Variants in APP observed in about 807,000 individuals in gnomAD.
APP encodes amyloid beta precursor protein.
In APP, 31 loss-of-function variants were observed where a neutral mutation model predicts 101.4. The ratio of observed to expected loss-of-function variants is 0.31; its 90% CI spans 0.23 to 0.41. The LOEUF is 0.41. APP is among the 10% of genes least tolerant of loss of function. The probability of loss-of-function intolerance (pLI) is 1.00; values close to 1 mark genes in which losing one functional copy is unlikely to be tolerated. For synonymous variants in APP, 366 were observed against 364.4 expected (o/e 1.00, Z -0.05); for missense variants, 839 against 1,003.7 (o/e 0.84, Z 2.22).
intron 1 of APP, among the ~76,000 whole-genome samples, chr21:26,150,602 T>C (rs1569035880): frequency 6.9e-6 from 1 of 144,700 alleles, no homozygotes; most frequent in Non-Finnish European, 1.5e-5. Context: ...GACATCTAGA[T>C]AGACAGATAG....
intron 3 of APP, among the ~76,000 whole-genome samples, chr21:26,077,703 C>G (rs2061523998): frequency 6.7e-6 from 1 of 150,208 alleles, no homozygotes. Context: ...GACGGTTGCA[C>G]AGCTGTTGCC....
chr21:25,933,526 A>G (rs1007665550), intron 13 of APP, among the ~76,000 whole-genome samples: 3 of 152,204 alleles, frequency 2.0e-5, no homozygotes, highest in African/African-American at 7.2e-5. Context: ...CTTCTATCAA[A>G]CTGTGTATTT....
At chr21:26,170,943 T>C (rs1398843740), upstream of APP, 6 of 253,898 alleles carry the variant, frequency 2.4e-5, no homozygotes, top group Non-Finnish European at 4.5e-5. Context: ...TGGCGCCGCC[T>C]GCACCCCACG....
At chr21:26,097,942 T>C (rs1601452624) in intron 2 of APP, among the ~76,000 whole-genome samples, 1 of 151,660 alleles carries the variant, frequency 6.6e-6, no homozygotes, top group Non-Finnish European at 1.5e-5. Context: ...TAGCCGGGCA[T>C]GGTGGCAGGC....
Position 26,161,475 on chromosome 21 carries a change from G to T in APP, c.57+9089C>A, listed in dbSNP as rs759390598. On this transcript the variant is annotated intron_variant, in intron 1 of 17. Coordinates refer to ENST00000346798, the MANE Select transcript of APP (RefSeq NM_000484.4). ...CCTTTTTATTCTGTCTACCCTCTTG[G>T]GGGCAAGGACCTCGAAAATATTTGT... 2.0e-5 allele frequency among the ~76,000 whole-genome samples: 3 copies of T among 151,894 alleles called. No homozygotes were observed. The South Asian group carries it at 6.2e-4, about 32-fold the overall frequency.
chr21:25,981,719 T>G (rs7410142), intron 9 of APP, among the ~76,000 whole-genome samples: 4 of 151,590 alleles, frequency 2.6e-5, no homozygotes, highest in African/African-American at 9.7e-5. Context: ...AGGTTTTTTT[T>G]TTTTTTTTTT....
chr21:25,926,820 G>C (rs1432139834), intron 13 of APP, among the ~76,000 whole-genome samples: 1 of 151,976 alleles, frequency 6.6e-6, no homozygotes, highest in Admixed American at 6.6e-5. Context: ...TGGCTAACAT[G>C]GTGAAACCCC....
At chr21:25,931,445 G>A (rs1004558670) in intron 13 of APP, among the ~76,000 whole-genome samples, 2 of 152,196 alleles carry the variant, frequency 1.3e-5, no homozygotes, top group Non-Finnish European at 2.9e-5. Context: ...CCATGAGTAT[G>A]CAATTAGCAA....
At chr21:25,891,410 G>GA (rs537618361) in intron 17 of APP, among the ~76,000 whole-genome samples, 165 of 146,578 alleles carry the variant, frequency 1.1e-3, no homozygotes, top group African/African-American at 3.2e-3. Flanking sequence ...GCTTGTGTTT[G>GA]AAAAAAAAAA....
chr21:25,984,513 A>G (rs1449282856), intron 8 of APP, among the ~76,000 whole-genome samples: 3 of 152,218 alleles, frequency 2.0e-5, no homozygotes, highest in African/African-American at 7.2e-5. Context: ...AAAAAAGGTA[A>G]ATGTTTTTCT....
At chr21:25,969,104 C>T (rs992835234) in intron 11 of APP, among the ~76,000 whole-genome samples, 1 of 151,342 alleles carries the variant, frequency 6.6e-6, no homozygotes, top group Non-Finnish European at 1.5e-5. Context: ...CTTTGGGAGG[C>T]GGAGGCTGGC....
At chr21:26,083,830 C>A (rs183154012) in intron 3 of APP, among the ~76,000 whole-genome samples, 23 of 152,216 alleles carry the variant, frequency 1.5e-4, no homozygotes, top group Admixed American at 6.5e-4. Context: ...GTTATCGTTT[C>A]TTTTTAATGC....
chr21:25,884,725 G>A (rs145649359), intron 17 of APP, among the ~76,000 whole-genome samples: 1 of 152,186 alleles, frequency 6.6e-6, no homozygotes, highest in Non-Finnish European at 1.5e-5. Context: ...AGGAGATCAA[G>A]CACAAAGCTG....
chr21:26,092,426 A>G (rs2061844198), intron 2 of APP, among the ~76,000 whole-genome samples: 1 of 152,242 alleles, frequency 6.6e-6, no homozygotes, highest in Non-Finnish European at 1.5e-5. Flanking sequence ...AATAGGCTCC[A>G]TACTATATGA....
intron 1 of APP, among the ~76,000 whole-genome samples, chr21:26,147,381 T>C (rs779993119): frequency 6.6e-5 from 10 of 152,222 alleles, no homozygotes; most frequent in Admixed American, 1.3e-4. Flanking sequence ...AATATTTAGC[T>C]ACTGTGGAAG....
At chr21:26,123,771 G>A (rs1357653274) in intron 1 of APP, among the ~76,000 whole-genome samples, 1 of 152,144 alleles carries the variant, frequency 6.6e-6, no homozygotes, top group Non-Finnish European at 1.5e-5. Context: ...TCACACTGCA[G>A]TCTTACTCTT....
intron 6 of APP, among the ~76,000 whole-genome samples, chr21:26,000,855 GTATT>G (rs1264992495): frequency 6.6e-6 from 1 of 151,096 alleles, no homozygotes; most frequent in Middle Eastern, 3.2e-3. Flanking sequence ...ATTAAAATAT[GTATT>G]TATATATTAT....
intron 13 of APP, among the ~76,000 whole-genome samples, chr21:25,938,992 A>C (rs915429338): frequency 6.6e-6 from 1 of 152,188 alleles, no homozygotes; most frequent in Non-Finnish European, 1.5e-5. Flanking sequence ...TTTTCTTTAA[A>C]TAAAAAACAT....
chr21:26,095,119 C>T (rs963465988), intron 2 of APP, among the ~76,000 whole-genome samples: 2 of 152,192 alleles, frequency 1.3e-5, no homozygotes, highest in African/African-American at 4.8e-5. Flanking sequence ...GTTGGGATTA[C>T]AGGCGTGAGC....
Sources: gnomAD v4.1 joint callset for allele counts (sites outside exome capture counted in the v4.1 genomes callset) on GRCh38, gnomAD v4.1.1 for gene constraint, MANE v1.5 for transcripts, NCBI Gene and HGNC (gene_info 2026-07-23, HGNC 2026-07-21) for gene names.